The following WDR37 variants were observed in gnomAD, a reference collection of about 807,000 sequenced individuals.
WDR37 encodes WD repeat-containing protein 37.
In WDR37, 19 loss-of-function variants were observed where a neutral mutation model predicts 62.9. The observed-to-expected ratio is 0.30, with a 90% CI of 0.21 to 0.44. The LOEUF is 0.44. Among genes scored for constraint, WDR37 ranks in the 20% least tolerant of loss-of-function variants. The pLI, the probability that WDR37 is intolerant of heterozygous loss-of-function variation, is 1.00. For missense variants in WDR37, 474 were observed against 657.6 expected (o/e 0.72, Z 3.05); for synonymous variants, 250 against 260.9 (o/e 0.96, Z 0.40).
intron 13 of WDR37, among the ~76,000 whole-genome samples, chr10:1,126,599 G>A (rs935994838): frequency 2.0e-5 from 3 of 152,184 alleles, no homozygotes; most frequent in African/African-American, 7.2e-5. Context: ...ACGCCTGCCG[G>A]CAGCTTGGGT....
At chr10:1,068,382 G>A (rs370187648) in intron 1 of WDR37, among the ~76,000 whole-genome samples, 1 of 148,368 alleles carries the variant, frequency 6.7e-6, no homozygotes, top group Admixed American at 6.8e-5. Context: ...GCGTGAACCC[G>A]GGAGGCGGAG....
At chr10:1,076,667 A>C (rs1418406254) in intron 2 of WDR37, among the ~76,000 whole-genome samples, 2 of 149,268 alleles carry the variant, frequency 1.3e-5, no homozygotes, top group Non-Finnish European at 3.0e-5. Context: ...TGACAGAGCG[A>C]GACTCCATCT....
At chr10:1,112,650 A>T (rs1835253079) in intron 11 of WDR37, among the ~76,000 whole-genome samples, 1 of 152,248 alleles carries the variant, frequency 6.6e-6, no homozygotes, top group South Asian at 2.1e-4. Context: ...TACTCCAGTG[A>T]ACACACGAAT....
At chr10:1,102,339 C>T (rs1052174857) in intron 9 of WDR37, among the ~76,000 whole-genome samples, 5 of 152,244 alleles carry the variant, frequency 3.3e-5, no homozygotes, top group African/African-American at 9.7e-5. Context: ...ACGTGCATTC[C>T]CTAGTAATGT....
intron 11 of WDR37, among the ~76,000 whole-genome samples, chr10:1,113,465 A>G (rs1369533582): frequency 6.6e-6 from 1 of 152,042 alleles, no homozygotes; most frequent in Non-Finnish European, 1.5e-5. Context: ...TATTTAAAAA[A>G]TACACTTTGT....
chr10:1,096,398 G>A (rs1331704233), intron 9 of WDR37, 152 bp downstream of exon 9: 2 of 764,410 alleles, frequency 2.6e-6, no homozygotes, highest in African/African-American at 3.4e-5. Flanking sequence ...TTTGGAGATT[G>A]GGCCTCTAAG....
chr10:1,079,657 C>A (rs541465766), intron 3 of WDR37, among the ~76,000 whole-genome samples: 1 of 151,954 alleles, frequency 6.6e-6, no homozygotes, highest in East Asian at 1.9e-4. Flanking sequence ...GCCTCAGCCT[C>A]CTGAGTAGCT....
chr10:1,093,915 C>A lies in WDR37; in HGVS notation c.649+419C>A, dbSNP rs1003525870. On this transcript the variant is annotated intron_variant, in intron 8 of 13. Coordinates refer to ENST00000263150, the MANE Select transcript of WDR37 (RefSeq NM_014023.4). ...GTTGCCAATGTCAGCATTTTTACTT[C>A]TTTCTGGGTAATTTATCTAACCCGT... Among the ~76,000 whole-genome samples the A allele has an allele frequency of 5.9e-5, 9 of 152,326 alleles. No individual in the cohort carries two copies. The South Asian group carries it at 1.9e-3, about 32-fold the overall frequency.
intron 11 of WDR37, 38 bp from the exon 12 acceptor site, chr10:1,124,180 C>A (rs2131693008): frequency 1.2e-6 from 2 of 1,612,984 alleles, no homozygotes; most frequent in Middle Eastern, 3.3e-4. Flanking sequence ...ACGTCCTGCA[C>A]CTGCTGTTGC....
intron 1 of WDR37, among the ~76,000 whole-genome samples, chr10:1,070,866 G>A (rs1303401289): frequency 3.9e-5 from 6 of 152,226 alleles, no homozygotes; most frequent in Non-Finnish European, 8.8e-5. Context: ...CTATAACAAA[G>A]TAAGGAGGTG....
intron 2 of WDR37, among the ~76,000 whole-genome samples, chr10:1,076,664 G>A (rs544449291): frequency 6.8e-6 from 1 of 147,864 alleles, no homozygotes; most frequent in South Asian, 2.1e-4. Flanking sequence ...GGGTGACAGA[G>A]CGAGACTCCA....
intron 8 of WDR37, 130 bp from the exon 9 acceptor site, chr10:1,096,040 T>C: frequency 1.3e-6 from 1 of 754,856 alleles, no homozygotes; most frequent in South Asian, 1.7e-5. Context: ...AAGTAAAAAG[T>C]ACATTCCTCT....
intron 9 of WDR37, among the ~76,000 whole-genome samples, chr10:1,097,814 G>C (rs1589105072): frequency 6.6e-6 from 1 of 152,302 alleles, no homozygotes; most frequent in East Asian, 1.9e-4. Context: ...CTTTTGGAAA[G>C]GGAGCGTCTG....
chr10:1,102,159 G>A (rs1463169275), intron 9 of WDR37, among the ~76,000 whole-genome samples: 7 of 142,602 alleles, frequency 4.9e-5, no homozygotes, highest in Non-Finnish European at 7.5e-5. Context: ...GCTGTTGTGC[G>A]TCCCTGTGAC....
At chr10:1,076,094 G>C (rs1833870593) in intron 2 of WDR37, among the ~76,000 whole-genome samples, 1 of 151,960 alleles carries the variant, frequency 6.6e-6, no homozygotes, top group South Asian at 2.1e-4. Flanking sequence ...TGTCCTTTTT[G>C]ATGGCCTAGT....
chr10:1,113,026 C>T (rs1835262755), intron 11 of WDR37, among the ~76,000 whole-genome samples: 1 of 152,198 alleles, frequency 6.6e-6, no homozygotes, highest in South Asian at 2.1e-4. Context: ...AAAGAAGATG[C>T]CACGTAGAAC....
chr10:1,080,002 T>G lies in WDR37; in HGVS notation c.236-9T>G. The G allele has an allele frequency of 6.2e-7, 1 of 1,612,964 alleles. No homozygotes were observed. The highest frequency in any genetic ancestry group is 1.1e-5 in the South Asian group (1 of 90,678). Reference sequence around the variant, plus strand: ...TACTTTAGATTTTTGAAAACTTTTTTCTTCCCAGTACGTAGAGAAATCGAC... The same window carrying G: ...TACTTTAGATTTTTGAAAACTTTTTGCTTCCCAGTACGTAGAGAAATCGAC... On this transcript the variant is annotated splice_polypyrimidine_tract_variant and intron_variant, in intron 3 of 13. Coordinates refer to ENST00000263150, the MANE Select transcript of WDR37 (RefSeq NM_014023.4).
At chr10:1,099,959 T>C (rs117707021) in intron 9 of WDR37, among the ~76,000 whole-genome samples, 1,427 of 128,864 alleles carry the variant, frequency 0.011, 9 homozygotes, top group Non-Finnish European at 0.018. Flanking sequence ...TGTGCACTGA[T>C]GGTGGGCGTG....
chr10:1,113,748 TTGAA>T (rs1288055652), intron 11 of WDR37, among the ~76,000 whole-genome samples: 1 of 152,072 alleles, frequency 6.6e-6, no homozygotes, highest in Non-Finnish European at 1.5e-5. Context: ...CACAATAAAT[TTGAA>T]TGGACGAGGA....
Sources: allele counts gnomAD v4.1 joint callset (sites outside exome capture counted in the v4.1 genomes callset), GRCh38; gene constraint gnomAD v4.1.1; transcripts MANE v1.5; gene names NCBI Gene and HGNC (gene_info 2026-07-23, HGNC 2026-07-21).